The following ITGBL1 variants were observed in gnomAD, a reference collection of about 807,000 sequenced individuals.
ITGBL1 encodes the protein integrin beta-like protein 1.
ITGBL1 carries 51 observed loss-of-function variants against 68.5 expected under a neutral mutation model. The observed-to-expected ratio is 0.74, with a 90% CI of 0.59 to 0.94. The LOEUF (loss-of-function observed/expected upper bound fraction) is 0.94, where lower values mean the gene tolerates loss of function less well. Among genes scored for constraint, ITGBL1 ranks in the 40% least tolerant of loss-of-function variants. ITGBL1 has a pLI of 0.00. For missense variants in ITGBL1, 649 were observed against 647.4 expected, an observed-to-expected ratio of 1.00 and a Z score of -0.03; for synonymous variants, 209 against 227.3, an observed-to-expected ratio of 0.92 and a Z score of 0.72.
chr13:101,546,590 A>G (rs2049828748), intron 2 of ITGBL1, among the ~76,000 whole-genome samples: 1 of 145,482 alleles, frequency 6.9e-6, no homozygotes, highest in African/African-American at 2.8e-5. Flanking sequence ...TAACAAACTC[A>G]TAACAGAACA....
chr13:101,520,162 G>A (rs951749727), intron 2 of ITGBL1, among the ~76,000 whole-genome samples: 14 of 152,064 alleles, frequency 9.2e-5, no homozygotes, highest in Non-Finnish European at 1.9e-4. Flanking sequence ...CTCTTTCTGT[G>A]TTATCATAGT....
At chr13:101,713,064 C>A (rs1395391382) in intron 9 of ITGBL1, 1 of 152,208 alleles carries the variant, frequency 6.6e-6, no homozygotes, top group African/African-American at 2.4e-5. Context: ...TTAAAAAACA[C>A]AATTGTCACA....
chr13:101,665,435 A>G (rs150858119), intron 7 of ITGBL1, among the ~76,000 whole-genome samples: 13 of 152,158 alleles, frequency 8.5e-5, no homozygotes, highest in African/African-American at 2.6e-4. Context: ...TGTTTCTACT[A>G]TATAAAAATA....
chr13:101,461,515 G>A (rs1398534673), intron 2 of ITGBL1, among the ~76,000 whole-genome samples: 2 of 152,150 alleles, frequency 1.3e-5, no homozygotes, highest in African/African-American at 2.4e-5. Context: ...GCAGCATAGC[G>A]AGACCTGCTC....
chr13:101,682,970 G>A (rs775627479), intron 7 of ITGBL1, among the ~76,000 whole-genome samples: 9 of 152,012 alleles, frequency 5.9e-5, no homozygotes, highest in Non-Finnish European at 8.8e-5. Context: ...CCCTGGAAAC[G>A]TATTTAGTTG....
At chr13:101,675,944 A>G (rs1013784313) in intron 7 of ITGBL1, among the ~76,000 whole-genome samples, 1 of 152,128 alleles carries the variant, frequency 6.6e-6, no homozygotes, top group Non-Finnish European at 1.5e-5. Context: ...ACCATCGAAT[A>G]TCCTTATTCA....
chr13:101,714,476 G>T lies in ITGBL1; in HGVS notation c.1318G>T (p.Glu440Ter), dbSNP rs1053005621. 6.2e-7 allele frequency: 1 copy of T among 1,612,558 alleles called. No individual in the cohort carries two copies. The change falls in exon 10 of 11, where the codon GAG (glutamate) becomes TAG (stop). Residue 440 changes from glutamate (E) to a stop codon, truncating the protein, a stop_gained. Coordinates refer to ENST00000376180, the MANE Select transcript of ITGBL1 (RefSeq NM_004791.3). LOFTEE classifies it high-confidence loss of function. ...HCGKCICSAE[E>*]WYISGEFCDC... ...TGGGAAGTGCATTTGTTCTGCTGAA[G>T]AGTGGTATATTTCTGGGGAGTTCTG...
downstream of ITGBL1, chr13:101,718,148 G>T (rs1475321298): frequency 1.3e-5 from 2 of 151,976 alleles, no homozygotes; most frequent in Non-Finnish European, 2.9e-5. Flanking sequence ...GAAGTTAATG[G>T]TACCTAAACT....
At chr13:101,599,058 T>A (rs2030183646) in intron 7 of ITGBL1, among the ~76,000 whole-genome samples, 1 of 152,210 alleles carries the variant, frequency 6.6e-6, no homozygotes, top group African/African-American at 2.4e-5. Context: ...ACCAACAGTG[T>A]AAAAGTGTTC....
chr13:101,522,103 A>G (rs2049295667), intron 2 of ITGBL1, among the ~76,000 whole-genome samples: 1 of 151,974 alleles, frequency 6.6e-6, no homozygotes, highest in African/African-American at 2.4e-5. Context: ...TTCTTATAAA[A>G]ACACCAGCTC....
intron 9 of ITGBL1, chr13:101,711,840 T>C (rs936323080): frequency 5.3e-5 from 8 of 152,126 alleles, no homozygotes; most frequent in Non-Finnish European, 8.8e-5. Context: ...AGAAAATGAA[T>C]GGATTAGTGG....
intron 7 of ITGBL1, among the ~76,000 whole-genome samples, chr13:101,635,302 C>G (rs1166806413): frequency 6.6e-6 from 1 of 151,952 alleles, no homozygotes; most frequent in East Asian, 1.9e-4. Context: ...AAAAGAATGT[C>G]ATACCGAAGG....
Position 101,522,749 on chromosome 13 carries a change from T to C in ITGBL1, c.317-44950T>C, listed in dbSNP as rs903913400. 2.6e-5 allele frequency among the ~76,000 whole-genome samples: 4 copies of C among 152,174 alleles called. No individual in the cohort carries two copies. The East Asian group carries it at 5.8e-4, about 22-fold the overall frequency. On this transcript the variant is annotated intron_variant, in intron 2 of 10. Coordinates refer to ENST00000376180, the MANE Select transcript of ITGBL1 (RefSeq NM_004791.3). Reference sequence around the variant, plus strand: ...AGGAACAAGTCAGGGCTCTTTGTTATTTGCCTTTGATAAAAATGATGACAA... The same window carrying C: ...AGGAACAAGTCAGGGCTCTTTGTTACTTGCCTTTGATAAAAATGATGACAA...
At chr13:101,524,656 C>T (rs1233596709) in intron 2 of ITGBL1, among the ~76,000 whole-genome samples, 14 of 139,562 alleles carry the variant, frequency 1.0e-4, no homozygotes, top group East Asian at 4.2e-4. Context: ...TATTCTTATT[C>T]TTTTTTTTTT....
At chr13:101,632,141 CTCTCTCTCTA>C (rs781633187) in intron 7 of ITGBL1, among the ~76,000 whole-genome samples, 17 of 148,608 alleles carry the variant, frequency 1.1e-4, no homozygotes, top group Non-Finnish European at 1.9e-4. Flanking sequence ...CTCTCTCTCT[CTCTCTCTCTA>C]TATATATATA....
intron 5 of ITGBL1, among the ~76,000 whole-genome samples, chr13:101,581,403 ACT>A (rs1478483244): frequency 6.6e-6 from 1 of 152,060 alleles, no homozygotes; most frequent in Non-Finnish European, 1.5e-5. Context: ...CATAAACCTA[ACT>A]TCCAGGTGTA....
chr13:101,532,133 A>G (rs1440975215), intron 2 of ITGBL1, among the ~76,000 whole-genome samples: 2 of 152,154 alleles, frequency 1.3e-5, no homozygotes, highest in African/African-American at 2.4e-5. Flanking sequence ...AATTTTTTTC[A>G]AGTTATTTCT....
chr13:101,508,375 T>C (rs1416580949), intron 2 of ITGBL1, among the ~76,000 whole-genome samples: 1 of 152,198 alleles, frequency 6.6e-6, no homozygotes, highest in Non-Finnish European at 1.5e-5. Flanking sequence ...AATATTTGTC[T>C]ACGTTTCTGA....
At chr13:101,657,377 G>C (rs1214724239) in intron 7 of ITGBL1, among the ~76,000 whole-genome samples, 1 of 152,106 alleles carries the variant, frequency 6.6e-6, no homozygotes, top group Non-Finnish European at 1.5e-5. Context: ...TGATATGCTA[G>C]CTTTAGGTAA....
Sources: allele counts gnomAD v4.1 joint callset (sites outside exome capture counted in the v4.1 genomes callset), GRCh38; gene constraint gnomAD v4.1.1; transcripts MANE v1.5; gene names NCBI Gene and HGNC (gene_info 2026-07-23, HGNC 2026-07-21).